Variants in ABLIM1 observed in about 807,000 individuals in gnomAD.
ABLIM1 encodes actin-binding LIM protein 1.
ABLIM1 carries 40 observed loss-of-function variants against 107.0 expected under a neutral mutation model. The ratio of observed to expected loss-of-function variants is 0.37; its 90% CI spans 0.29 to 0.49. ABLIM1 has a LOEUF of 0.49. Ranked by LOEUF, ABLIM1 falls within the 20% of genes least tolerant of loss-of-function variation. The probability of loss-of-function intolerance (pLI) is 0.97; values close to 1 mark genes in which losing one functional copy is unlikely to be tolerated. For missense variants in ABLIM1, 857 were observed against 1,008.5 expected, an observed-to-expected ratio of 0.85 and a Z score of 2.04; for synonymous variants, 357 against 357.3, an observed-to-expected ratio of 1.00 and a Z score of 0.01.
In ABLIM1 at chr10:114,574,503, G is replaced by C. The variant is rs148012564; in HGVS notation, c.563+913C>G. On this transcript the variant is annotated intron_variant, in intron 3 of 22. Coordinates refer to ENST00000533213, the MANE Select transcript of ABLIM1 (RefSeq NM_002313.7). ...CACCCAGATTGGAGTGCAGTGGCAC[G>C]ATCTCGGCTCACTGCAACCTCCGCC... Among the ~76,000 whole-genome samples the C allele has an allele frequency of 6.8e-3, 1,026 of 151,856 alleles. 10 individuals carry two copies. Among genetic ancestry groups the C allele is most frequent in the African/African-American group, 0.024 (991 of 41,304 alleles).
chr10:114,536,895 G>A (rs11196780), intron 6 of ABLIM1, among the ~76,000 whole-genome samples: 34,159 of 152,124 alleles, frequency 0.22, 4,429 homozygotes, highest in East Asian at 0.34. Flanking sequence ...GTGGCCTGGT[G>A]GAGGCTACAG....
At chr10:114,631,301 T>C (rs2078157481) in intron 1 of ABLIM1, among the ~76,000 whole-genome samples, 1 of 152,226 alleles carries the variant, frequency 6.6e-6, no homozygotes, top group African/African-American at 2.4e-5. Flanking sequence ...CCTCTCCCTT[T>C]TAACACTCTC....
At position 114,491,012 on chromosome 10, in the gene ABLIM1, G is replaced by GTATATATATATATA. The variant is rs71473045; in HGVS notation, c.982+778_982+779insTATATATATATATA. Reference sequence around the variant, plus strand: ...TGTGTGTGTGTGTGTGTGTGTGTGTGTATATATATATATGGTCTATTTTAT... The same window carrying GTATATATATATATA: ...TGTGTGTGTGTGTGTGTGTGTGTGTGTATATATATATATATATATATATATATGGTCTATTTTAT... On this transcript the variant is annotated intron_variant, in intron 7 of 22. Transcript: ENST00000533213. 1.7e-3 allele frequency among the ~76,000 whole-genome samples: 154 copies of GTATATATATATATA among 92,358 alleles called. 1 individual carries two copies. Among genetic ancestry groups the GTATATATATATATA allele is most frequent in the Non-Finnish European group, 2.2e-3 (112 of 50,834 alleles). 60.6% of individuals were successfully genotyped at this position (92,358 alleles called of 152,430 possible). A position where few individuals can be genotyped will look rare whatever the true frequency, so the allele number is the denominator to read the frequency against.
chr10:114,781,552 ATGTGTGTGTG>A, the ABLIM1 span, among the ~76,000 whole-genome samples: 2 of 149,030 alleles, frequency 1.3e-5, no homozygotes, highest in Non-Finnish European at 3.0e-5. Context: ...ATATCTATAT[ATGTGTGTGTG>A]TGTGTGTATG....
intron 6 of ABLIM1, among the ~76,000 whole-genome samples, chr10:114,535,408 T>C (rs986986227): frequency 2.9e-4 from 44 of 152,232 alleles, no homozygotes; most frequent in African/African-American, 1.0e-3. Flanking sequence ...CCTCCCAGGT[T>C]CAAGCGATCC....
chr10:114,480,604 T>C (rs764214027), intron 8 of ABLIM1, among the ~76,000 whole-genome samples: 1 of 152,206 alleles, frequency 6.6e-6, no homozygotes, highest in Non-Finnish European at 1.5e-5. Context: ...GCAGGCAAGG[T>C]AGATAGATAC....
intron 1 of ABLIM1, among the ~76,000 whole-genome samples, chr10:114,704,302 C>CTCTA (rs1380460034): frequency 3.7e-4 from 16 of 43,086 alleles, no homozygotes; most frequent in East Asian, 2.2e-3. Flanking sequence ...CTCTCTCTCT[C>CTCTA]TATATATATA....
At chr10:114,468,128 C>T (rs775322787) in intron 11 of ABLIM1, 53 bp downstream of exon 11, 27 of 1,514,638 alleles carry the variant, frequency 1.8e-5, no homozygotes, top group Non-Finnish European at 2.4e-5. Flanking sequence ...AGGGAAGGGC[C>T]AAGCAATTCT....
At chr10:114,642,311 T>A (rs1253570607) in intron 1 of ABLIM1, among the ~76,000 whole-genome samples, 1 of 151,986 alleles carries the variant, frequency 6.6e-6, no homozygotes, top group Non-Finnish European at 1.5e-5. Flanking sequence ...GAGTGCTGAA[T>A]TACTGCATGA....
At position 114,480,815 on chromosome 10, in the gene ABLIM1, C is replaced by T. The variant is rs17091930; in HGVS notation, c.1042-6859G>A. 1.0e-3 allele frequency among the ~76,000 whole-genome samples: 152 copies of T among 152,240 alleles called. 1 individual carries two copies. The East Asian group carries it at 0.023, about 23-fold the overall frequency. On this transcript the variant is annotated intron_variant, in intron 8 of 22. Transcript: ENST00000533213. ...TCCCCAGCACACTTTCATGTCTTTA[C>T]GTTTGATTTCAACAACGATTTTTAC...
At chr10:114,448,914 C>A (rs116826125) in intron 14 of ABLIM1, among the ~76,000 whole-genome samples, 1,574 of 152,246 alleles carry the variant, frequency 0.01, 30 homozygotes, top group African/African-American at 0.036. Context: ...CCTGTCTGGT[C>A]CACTTCATTC....
At chr10:114,630,227 C>A (rs2078083183) in intron 1 of ABLIM1, among the ~76,000 whole-genome samples, 2 of 152,204 alleles carry the variant, frequency 1.3e-5, no homozygotes, top group South Asian at 4.1e-4. Flanking sequence ...TTGTAATTCC[C>A]TTTCCCATCA....
At chr10:114,526,761 G>A (rs2136782383) in intron 6 of ABLIM1, 1 of 985,514 alleles carries the variant, frequency 1.0e-6, no homozygotes, top group South Asian at 4.7e-5. Flanking sequence ...AGGCTTTGTA[G>A]ATGCCAGACC....
chr10:114,604,663 A>T (rs1046271520), intron 1 of ABLIM1, among the ~76,000 whole-genome samples: 1 of 152,260 alleles, frequency 6.6e-6, no homozygotes, highest in Non-Finnish European at 1.5e-5. Context: ...CAATATGAAT[A>T]CGCCAGCTAT....
intron 2 of ABLIM1, among the ~76,000 whole-genome samples, chr10:114,581,542 G>A (rs1039703335): frequency 6.6e-6 from 1 of 152,178 alleles, no homozygotes; most frequent in Non-Finnish European, 1.5e-5. Context: ...TTGTGCTACT[G>A]CTCTCATACA....
At chr10:114,512,824 G>A (rs1382206081) in intron 6 of ABLIM1, among the ~76,000 whole-genome samples, 1 of 85,400 alleles carries the variant, frequency 1.2e-5, no homozygotes, top group East Asian at 2.7e-4. Context: ...GACTCCATCA[G>A]ATAGAAGGAA....
At chr10:114,652,146 T>C (rs1021041669) in intron 1 of ABLIM1, among the ~76,000 whole-genome samples, 1 of 152,148 alleles carries the variant, frequency 6.6e-6, no homozygotes, top group East Asian at 1.9e-4. Context: ...TAAAACCTTT[T>C]CCCTGACACA....
intron 1 of ABLIM1, among the ~76,000 whole-genome samples, chr10:114,644,327 A>G (rs551330626): frequency 5.9e-5 from 7 of 119,484 alleles, no homozygotes; most frequent in African/African-American, 2.2e-4. Context: ...ATATATATAT[A>G]TATGTGTATA....
At chr10:114,753,260 G>C (rs1184837599) in intron 1 of ABLIM1, among the ~76,000 whole-genome samples, 1 of 152,202 alleles carries the variant, frequency 6.6e-6, no homozygotes, top group Non-Finnish European at 1.5e-5. Context: ...TACACGAAGA[G>C]AGCATAGGGC....
Sources: gnomAD v4.1 joint callset for allele counts (sites outside exome capture counted in the v4.1 genomes callset) on GRCh38, gnomAD v4.1.1 for gene constraint, MANE v1.5 for transcripts, NCBI Gene and HGNC (gene_info 2026-07-23, HGNC 2026-07-21) for gene names.